Variants in C2orf49 observed in about 807,000 individuals in gnomAD.
C2orf49 encodes the protein tRNA splicing ligase complex subunit 2.
Under a neutral mutation model 20.6 loss-of-function variants are expected in C2orf49, and 11 were observed. That is an observed-to-expected ratio of 0.53 (90% CI 0.34 to 0.88). The LOEUF (loss-of-function observed/expected upper bound fraction) is 0.88. Ranked by LOEUF, C2orf49 falls within the 40% of genes least tolerant of loss-of-function variation. The pLI is 0.02. For synonymous variants in C2orf49, 134 were observed against 108.5 expected, an observed-to-expected ratio of 1.24 and a Z score of -1.46; for missense variants, 289 against 274.2, an observed-to-expected ratio of 1.05 and a Z score of -0.38.
chr2:105,356,916 G>A, the C2orf49 span, among the ~76,000 whole-genome samples: 954 of 152,114 alleles, frequency 6.3e-3, 14 homozygotes, highest in African/African-American at 0.022. Context: ...CAAATTTGGG[G>A]CCTTTTTCAA....
chr2:105,362,928 C>G, the C2orf49 span: 2 of 226,974 alleles, frequency 8.8e-6, no homozygotes, highest in East Asian at 2.3e-4. Context: ...CTAGGGGACA[C>G]TTCTAAGAAC....
the C2orf49 span, among the ~76,000 whole-genome samples, chr2:105,361,910 G>C: frequency 6.7e-6 from 1 of 149,874 alleles, no homozygotes; most frequent in Non-Finnish European, 1.5e-5. Flanking sequence ...GTGGGAATGA[G>C]GGGAGAGGGA....
downstream of C2orf49, among the ~76,000 whole-genome samples, chr2:105,353,138 T>C (rs1302687869): frequency 6.6e-6 from 1 of 152,184 alleles, no homozygotes; most frequent in Non-Finnish European, 1.5e-5. Context: ...CTTTCTTTTT[T>C]TTAATCAAGA....
At chr2:105,337,716 G>T in intron 1 of C2orf49, 30 bp downstream of exon 1, 4 of 306,802 alleles carry the variant, frequency 1.3e-5, no homozygotes, top group South Asian at 7.5e-5. Flanking sequence ...AGGGTGGGCG[G>T]GTGGGCCTTC....
downstream of C2orf49, among the ~76,000 whole-genome samples, chr2:105,353,147 G>A (rs186220865): frequency 6.6e-6 from 1 of 152,074 alleles, no homozygotes; most frequent in Non-Finnish European, 1.5e-5. Flanking sequence ...TTTTAATCAA[G>A]AAATCACTTC....
intron 1 of C2orf49, among the ~76,000 whole-genome samples, chr2:105,337,954 G>A (rs1191120516): frequency 6.6e-6 from 1 of 152,144 alleles, no homozygotes; most frequent in East Asian, 1.9e-4. Flanking sequence ...AGTCCCAGGC[G>A]ACACCCCCTG....
intron 2 of C2orf49, 25 bp from the exon 3 acceptor site, chr2:105,342,823 C>G (rs1326250881): frequency 3.2e-6 from 5 of 1,579,592 alleles, no homozygotes; most frequent in Admixed American, 1.8e-5. Context: ...TGGTATTTTT[C>G]AAGAGTGCAT....
At chr2:105,385,016 A>G in the C2orf49 span, among the ~76,000 whole-genome samples, 1 of 152,254 alleles carries the variant, frequency 6.6e-6, no homozygotes, top group Non-Finnish European at 1.5e-5. Flanking sequence ...GACAGGATAC[A>G]GGAAGATACA....
downstream of C2orf49, among the ~76,000 whole-genome samples, chr2:105,351,313 G>A (rs1007179716): frequency 9.1e-4 from 33 of 36,076 alleles, 1 homozygote; most frequent in African/African-American, 2.5e-3. Context: ...TGCCCACCGC[G>A]CCCCCCCCCC....
Position 105,349,023 on chromosome 2 carries a change from G to A in C2orf49, c.*3652G>A, listed in dbSNP as rs1473139048. On this transcript the variant is annotated 3_prime_UTR_variant, in exon 4 of 4. Transcript: ENST00000258457. ...GACATGTTGACTGTCACTACATGTT[G>A]AGGGATGGAAATAGAAGTCTCTGAA... 5 of 152,188 alleles carry A rather than the reference G, an allele frequency of 3.3e-5. No individual in the cohort carries two copies. The highest frequency in any genetic ancestry group is 4.2e-4 in the South Asian group (2 of 4,818). The allele number at this position is 152,188 out of a possible 1,614,324, so 9.4% of individuals were successfully genotyped here.
In C2orf49 at chr2:105,339,651, T is replaced by C. The variant is rs775230034; in HGVS notation, c.168T>C (p.His56=). ...KDSLTDLYVQ[H]AIPLPQRDLP... is the part of the protein sequence containing the mutation. ...GTCTTACTGACCTTTATGTCCAACA[T>C]GCAATACCATTGCCTCAGAGGGATT... The change falls in exon 2 of 4, where the codon CAT becomes CAC. Residue 56 remains histidine (H), a synonymous_variant. Transcript: ENST00000258457. The C allele has an allele frequency of 1.9e-6, 3 of 1,609,422 alleles. No homozygotes were observed. The highest frequency in any genetic ancestry group is 2.5e-6 in the Non-Finnish European group (3 of 1,179,080).
intron 2 of C2orf49, among the ~76,000 whole-genome samples, chr2:105,341,139 T>C (rs574260963): frequency 6.6e-6 from 1 of 152,356 alleles, no homozygotes; most frequent in South Asian, 2.1e-4. Flanking sequence ...TTCATAAATA[T>C]GGGTTACACT....
the C2orf49 span, chr2:105,357,699 T>G: frequency 6.7e-6 from 1 of 149,408 alleles, no homozygotes; most frequent in East Asian, 1.9e-4. Flanking sequence ...TTTGGAACTG[T>G]GTCAACTTTT....
At chr2:105,373,684 G>A in the C2orf49 span, 7 of 1,614,054 alleles carry the variant, frequency 4.3e-6, no homozygotes, top group East Asian at 2.2e-5. Flanking sequence ...TCTGCACTGC[G>A]AGCAGTGGAA....
At position 105,343,232 on chromosome 2, in the gene C2orf49, G is replaced by T. The variant is rs12995135; in HGVS notation, c.642+9G>T. The T allele has an allele frequency of 2.4e-5, 38 of 1,559,394 alleles. No homozygotes were observed. The South Asian group carries it at 4.6e-4, about 19-fold the overall frequency. Reference sequence around the variant, plus strand: ...AAGAGGCAGAGGCCATGGTAAGTATGGGGGTGGTTTCCATGCTGGTAAGTG... The same window carrying T: ...AAGAGGCAGAGGCCATGGTAAGTATTGGGGTGGTTTCCATGCTGGTAAGTG... On this transcript the variant is annotated intron_variant, in intron 3 of 3. Coordinates refer to ENST00000258457, the MANE Select transcript of C2orf49 (RefSeq NM_024093.3).
the C2orf49 span, among the ~76,000 whole-genome samples, chr2:105,377,472 A>T: frequency 1.3e-5 from 2 of 152,068 alleles, no homozygotes; most frequent in African/African-American, 4.8e-5. Context: ...CTCTACTAAA[A>T]ATACAAAAAT....
chr2:105,361,155 C>G, the C2orf49 span: 2 of 915,136 alleles, frequency 2.2e-6, no homozygotes, highest in Non-Finnish European at 3.4e-6. Context: ...ACGTGAGTAT[C>G]ACTGAAAAGC....
the C2orf49 span, chr2:105,363,473 T>C: frequency 6.2e-7 from 1 of 1,603,838 alleles, no homozygotes; most frequent in Non-Finnish European, 8.5e-7. Context: ...GGTGATGGGC[T>C]GCAGGGACGA....
downstream of C2orf49, among the ~76,000 whole-genome samples, chr2:105,350,295 T>G (rs1679905006): frequency 6.6e-6 from 1 of 152,168 alleles, no homozygotes; most frequent in Admixed American, 6.5e-5. Context: ...GCTTACTAGG[T>G]TCTTAGAACA....
Sources: allele counts gnomAD v4.1 joint callset (sites outside exome capture counted in the v4.1 genomes callset), GRCh38; gene constraint gnomAD v4.1.1; transcripts MANE v1.5; gene names NCBI Gene and HGNC (gene_info 2026-07-23, HGNC 2026-07-21).